Variants in EFCAB6 observed in about 807,000 individuals in gnomAD.
EFCAB6 encodes EF-hand calcium-binding domain-containing protein 6.
Under a neutral mutation model 169.8 loss-of-function variants are expected in EFCAB6, and 156 were observed. The ratio of observed to expected loss-of-function variants is 0.92; its 90% CI spans 0.81 to 1.05. EFCAB6 has a LOEUF of 1.05. Among genes scored for constraint, EFCAB6 ranks in the 50% least tolerant of loss-of-function variants. The probability of loss-of-function intolerance (pLI) is 0.00; values close to 1 mark genes in which losing one functional copy is unlikely to be tolerated. For missense variants in EFCAB6, 1,800 were observed against 1,829.1 expected (o/e 0.98, Z 0.29); for synonymous variants, 698 against 676.4 (o/e 1.03, Z -0.50).
chr22:43,545,421 T>C (rs2047998554), intron 27 of EFCAB6, among the ~76,000 whole-genome samples: 1 of 152,208 alleles, frequency 6.6e-6, no homozygotes, highest in Admixed American at 6.5e-5. Context: ...TGGATACATA[T>C]TTTTAAAAAC....
intron 17 of EFCAB6, among the ~76,000 whole-genome samples, chr22:43,642,547 G>C (rs1319171310): frequency 6.6e-6 from 1 of 152,154 alleles, no homozygotes; most frequent in African/African-American, 2.4e-5. Flanking sequence ...GGCATGATCT[G>C]AGAGTTCCAG....
intron 6 of EFCAB6, among the ~76,000 whole-genome samples, chr22:43,738,274 A>T (rs540311244): frequency 1.3e-5 from 2 of 151,648 alleles, no homozygotes; most frequent in East Asian, 3.9e-4. Flanking sequence ...ACATGCACAT[A>T]TACACACACA....
Position 43,600,247 on chromosome 22 carries a change from T to A in EFCAB6, c.2698A>T (p.Lys900Ter), listed in dbSNP as rs1207985315. 2 of 1,613,992 alleles carry A rather than the reference T, an allele frequency of 1.2e-6. No individual in the cohort carries two copies. Among genetic ancestry groups the A allele is most frequent in the Non-Finnish European group, 8.5e-7 (1 of 1,179,990 alleles). Residue 900 changes from lysine (K) to a stop codon, truncating the protein, a stop_gained, in exon 23 of 32, where the codon AAA becomes TAA. Transcript: ENST00000262726. LOFTEE classifies it high-confidence loss of function. ...AATTCCTGGTAAGTAATGTGCCCTT[T>A]TCCCTCGGTGTCGTATCTTAAAACA... The part of the protein sequence containing the change: ...KLWARYDTEG[K>*]GHITYQEFLQ...
At chr22:43,541,706 C>T (rs1426537931) in intron 27 of EFCAB6, among the ~76,000 whole-genome samples, 2 of 152,234 alleles carry the variant, frequency 1.3e-5, no homozygotes, top group African/African-American at 4.8e-5. Context: ...TCCCCCACCT[C>T]TGTGTCCTCC....
At chr22:43,765,446 AT>A (rs1350828021) in intron 4 of EFCAB6, 53 bp from the exon 5 acceptor site, 1 of 1,391,098 alleles carries the variant, frequency 7.2e-7, no homozygotes, top group Non-Finnish European at 1.0e-6. Flanking sequence ...GATCCAAGCA[AT>A]AGACGGTAAA....
chr22:43,809,203 G>GAA lies in EFCAB6; in HGVS notation c.-144-74_-144-73dup, dbSNP rs532707626. On this transcript the variant is annotated intron_variant, in intron 1 of 31. Transcript: ENST00000262726. ...TGAATCAAAAGGCCTTATTTCCCTG[G>GAA]AAAAAAAAATAAATTTTATTACCTT... 4 of 150,050 alleles carry GAA rather than the reference G, an allele frequency of 2.7e-5. No individual in the cohort carries two copies. The South Asian group carries it at 8.4e-4, about 32-fold the overall frequency. 9.3% of individuals were successfully genotyped at this position (150,050 alleles called of 1,614,324 possible).
intron 17 of EFCAB6, among the ~76,000 whole-genome samples, chr22:43,651,134 G>C (rs1273138936): frequency 6.6e-6 from 1 of 152,224 alleles, no homozygotes; most frequent in African/African-American, 2.4e-5. Context: ...AATGTCTCCA[G>C]GGCATGTCAG....
chr22:43,772,711 G>A (rs1374104593), intron 4 of EFCAB6, among the ~76,000 whole-genome samples, 181 bp downstream of exon 4: 4 of 151,530 alleles, frequency 2.6e-5, no homozygotes, highest in African/African-American at 9.7e-5. Context: ...TGCAAAATAT[G>A]ACCGAGTAGC....
chr22:43,703,588 G>A (rs896504921), intron 10 of EFCAB6, among the ~76,000 whole-genome samples: 1 of 150,780 alleles, frequency 6.6e-6, no homozygotes, highest in Non-Finnish European at 1.5e-5. Context: ...AGAATAGATA[G>A]ACTAAAAAAT....
chr22:43,644,245 A>G (rs2056003525), intron 17 of EFCAB6, among the ~76,000 whole-genome samples: 2 of 152,104 alleles, frequency 1.3e-5, no homozygotes, highest in African/African-American at 4.8e-5. Flanking sequence ...TGACGGGTGC[A>G]CAGGCTTAGC....
chr22:43,591,124 GTTTTTTT>G (rs1169720525), intron 23 of EFCAB6, among the ~76,000 whole-genome samples: 2 of 114,154 alleles, frequency 1.8e-5, no homozygotes, highest in African/African-American at 6.8e-5. Context: ...TTTTTTTTTT[GTTTTTTT>G]TTTGTTTTTT....
chr22:43,763,054 T>C (rs1309707917), intron 5 of EFCAB6, among the ~76,000 whole-genome samples: 1 of 152,196 alleles, frequency 6.6e-6, no homozygotes, highest in Admixed American at 6.5e-5. Context: ...TTCATTTTTT[T>C]TTAAGACCAA....
At chr22:43,585,365 T>A (rs1203304267) in intron 24 of EFCAB6, among the ~76,000 whole-genome samples, 1 of 150,784 alleles carries the variant, frequency 6.6e-6, no homozygotes, top group Non-Finnish European at 1.5e-5. Flanking sequence ...CCGGACATGG[T>A]TGAGGAGAGA....
intron 16 of EFCAB6, among the ~76,000 whole-genome samples, chr22:43,667,961 C>T (rs1225043393): frequency 6.6e-6 from 1 of 152,146 alleles, no homozygotes; most frequent in Non-Finnish European, 1.5e-5. Flanking sequence ...TATTCCTTCC[C>T]CGCTGCGTCT....
At chr22:43,547,766 A>G (rs755787530) in intron 27 of EFCAB6, among the ~76,000 whole-genome samples, 9 of 151,198 alleles carry the variant, frequency 6.0e-5, no homozygotes, top group Non-Finnish European at 1.0e-4. Context: ...AAAAAAAAAC[A>G]TAATCCAAAA....
chr22:43,693,387 T>C (rs9626012), intron 10 of EFCAB6, among the ~76,000 whole-genome samples: 69,482 of 150,826 alleles, frequency 0.46, 16,416 homozygotes, highest in Middle Eastern at 0.53. Flanking sequence ...ATCAGCCAAA[T>C]TGCAACTGAG....
rs202140029 is a variant in EFCAB6 at position 43,687,621 on chromosome 22, AT to A, written c.1032-41del. 1.7e-3 allele frequency: 2,217 copies of A among 1,287,834 alleles called. 30 individuals are homozygous for A. The African/African-American group carries it at 0.03, about 18-fold the overall frequency. 79.8% of individuals were successfully genotyped at this position (1,287,834 alleles called of 1,614,324 possible). On this transcript the variant is annotated intron_variant, in intron 10 of 31. Coordinates refer to ENST00000262726, the MANE Select transcript of EFCAB6 (RefSeq NM_022785.4). ...AACAACAAAAAACATTACTTTAAAC[AT>A]TTTTTCTATAACACTGCATGGATTA... is the stretch of plus-strand genomic sequence containing the variant.
chr22:43,583,384 C>T (rs190588078), intron 24 of EFCAB6, among the ~76,000 whole-genome samples: 167 of 151,494 alleles, frequency 1.1e-3, no homozygotes, highest in African/African-American at 3.7e-3. Context: ...TTGCAATAGT[C>T]GTTTCAGATA....
In EFCAB6 at chr22:43,748,445, T is replaced by C. The variant is rs143768154; in HGVS notation, c.507+7321A>G. ...CCTCATGTCCTTTTCTTAGGCCAGG[T>C]TGCAATTCTGAAAACTACCCCACAT... On this transcript the variant is annotated intron_variant, in intron 6 of 31. Coordinates refer to ENST00000262726, the MANE Select transcript of EFCAB6 (RefSeq NM_022785.4). Among the ~76,000 whole-genome samples, 503 of 152,196 alleles carry C rather than the reference T, an allele frequency of 3.3e-3. 1 individual carries two copies. The highest frequency in any genetic ancestry group is 0.011 in the African/African-American group (477 of 41,514).
Sources: gnomAD v4.1 joint callset for allele counts (sites outside exome capture counted in the v4.1 genomes callset) on GRCh38, gnomAD v4.1.1 for gene constraint, MANE v1.5 for transcripts, NCBI Gene and HGNC (gene_info 2026-07-23, HGNC 2026-07-21) for gene names.